GPD1: variants seen among roughly 807,000 people sequenced by gnomAD.
The protein encoded by GPD1 is glycerol-3-phosphate dehydrogenase [NAD(+)], cytoplasmic.
Under a neutral mutation model 34.4 loss-of-function variants are expected in GPD1, and 19 were observed. The observed-to-expected ratio is 0.55, with a 90% CI of 0.39 to 0.81. GPD1 has a LOEUF of 0.81. Ranked by LOEUF, GPD1 falls within the 30% of genes least tolerant of loss-of-function variation. GPD1 has a pLI of 0.00. For synonymous variants in GPD1, 172 were observed against 174.1 expected (o/e 0.99, Z 0.09); for missense variants, 429 against 447.0 (o/e 0.96, Z 0.36).
At chr12:50,107,943 C>A in intron 6 of GPD1, 81 bp from the exon 7 acceptor site, 2 of 1,031,320 alleles carry the variant, frequency 1.9e-6, no homozygotes, top group East Asian at 2.5e-5. Flanking sequence ...GACCCCACTC[C>A]CATCTGAGCT....
chr12:50,107,790 G>C lies in GPD1; in HGVS notation c.836G>C (p.Arg279Pro). 1 of 1,610,268 alleles carries C rather than the reference G, an allele frequency of 6.2e-7. No homozygotes were observed. The highest frequency in any genetic ancestry group is 8.5e-7 in the Non-Finnish European group (1 of 1,176,436). The change falls in exon 6 of 8, where the codon CGT becomes CCT. Residue 279 changes from arginine (R) to proline (P), a missense_variant. By Grantham distance (103) the Arg-to-Pro change is moderately radical. Coordinates refer to ENST00000301149, the MANE Select transcript of GPD1 (RefSeq NM_005276.4). ...RNRKVAEAFARTGKSIEQLEK... is the reference protein window; with the variant it reads ...RNRKVAEAFAPTGKSIEQLEK... ...CGGAAAGTGGCTGAGGCCTTTGCGC[G>C]TACAGGAAAGGTGGGCCCCGGGAGA...
At position 50,109,652 on chromosome 12, in the gene GPD1, A is replaced by G; in HGVS notation, c.*133A>G. 1 of 618,706 alleles carries G rather than the reference A, an allele frequency of 1.6e-6. No individual in the cohort carries two copies. The highest frequency in any genetic ancestry group is 2.9e-6 in the Non-Finnish European group (1 of 341,554). 38.3% of individuals were successfully genotyped at this position (618,706 alleles called of 1,614,324 possible). A position where few individuals can be genotyped will look rare whatever the true frequency, so the allele number is the denominator to read the frequency against. On this transcript the variant is annotated 3_prime_UTR_variant, in exon 8 of 8. Transcript: ENST00000301149. ...TCTCATCTTTTCACTGGAGGACAGGAGGCTATGGGGCCCAGCTACGCACCT... is the reference window on the plus strand; with the variant it reads ...TCTCATCTTTTCACTGGAGGACAGGGGGCTATGGGGCCCAGCTACGCACCT...
chr12:50,106,770 C>T, intron 4 of GPD1, 35 bp from the exon 5 acceptor site: 1 of 1,161,808 alleles, frequency 8.6e-7, no homozygotes, highest in Non-Finnish European at 1.2e-6. Context: ...TAAAAAGAGT[C>T]CTTCCCTCAA....
Position 50,104,033 on chromosome 12 carries a change from A to G in GPD1, c.-18A>G, listed in dbSNP as rs1565746108. 1.2e-6 allele frequency: 2 copies of G among 1,613,788 alleles called. No homozygotes were observed. The highest frequency in any genetic ancestry group is 2.2e-5 in the South Asian group (2 of 91,072). ...AGGGAGTGTGGCACTGAGCCGGCTC[A>G]GGCAGAGACGCGGCACCATGGCTAG... On this transcript the variant is annotated 5_prime_UTR_variant, in exon 1 of 8. Coordinates refer to ENST00000301149, the MANE Select transcript of GPD1 (RefSeq NM_005276.4).
In GPD1 at chr12:50,107,603, C is replaced by T; in HGVS notation, c.649C>T (p.Leu217=). 1.2e-6 allele frequency: 2 copies of T among 1,614,070 alleles called. No individual in the cohort carries two copies. Among genetic ancestry groups the T allele is most frequent in the African/African-American group, 1.3e-5 (1 of 75,008 alleles). The change falls in exon 6 of 8, where the codon CTG becomes TTG. Residue 217 remains leucine, a synonymous_variant. Transcript: ENST00000301149. ...VAVGAGFCDG[L]GFGDNTKAAV... is the part of the protein sequence containing the mutation. Reference sequence around the variant, plus strand: ...CGTGGGGGCTGGCTTCTGTGATGGCCTGGGCTTTGGCGACAACACCAAGGC... The same window carrying T: ...CGTGGGGGCTGGCTTCTGTGATGGCTTGGGCTTTGGCGACAACACCAAGGC...
At chr12:50,108,874 C>A (rs574331598) in intron 7 of GPD1, among the ~76,000 whole-genome samples, 1 of 152,266 alleles carries the variant, frequency 6.6e-6, no homozygotes, top group Admixed American at 6.5e-5. Flanking sequence ...TGGTGTCTCA[C>A]ACCTGTAATC....
rs1467160006 is a variant in GPD1, at chr12:50,107,730, C to G, written c.776C>G (p.Ala259Gly). Residue 259 changes from alanine (A) to glycine (G), a missense_variant, in exon 6 of 8, where the codon GCT (alanine) becomes GGT (glycine). Coordinates refer to ENST00000301149, the MANE Select transcript of GPD1 (RefSeq NM_005276.4). ...SATFLESCGV[A>G]DLITTCYGGR... is the part of the protein sequence containing the mutation. Reference sequence around the variant, plus strand: ...ACCTTCTTGGAGAGCTGTGGTGTTGCTGACCTGATCACTACCTGCTATGGA... The same window carrying G: ...ACCTTCTTGGAGAGCTGTGGTGTTGGTGACCTGATCACTACCTGCTATGGA... 14 of 1,613,964 alleles carry G rather than the reference C, an allele frequency of 8.7e-6. No homozygotes were observed. The highest frequency in any genetic ancestry group is 1.2e-5 in the Non-Finnish European group (14 of 1,179,984).
At position 50,109,546 on chromosome 12, in the gene GPD1, CT is replaced by C; in HGVS notation, c.*33del. The C allele has an allele frequency of 1.8e-6, 2 of 1,128,800 alleles. No homozygotes were observed. Among genetic ancestry groups the C allele is most frequent in the Non-Finnish European group, 2.7e-6 (2 of 735,978 alleles). The allele number at this position is 1,128,800 out of a possible 1,614,324, so 69.9% of individuals were successfully genotyped here. The stretch of plus-strand genomic sequence containing the variant: ...TGGGGCCAGGGCCCAGGCCAGGCCG[CT>C]TTTTTACCCCAGTGGAGACCAGCAG... On this transcript the variant is annotated 3_prime_UTR_variant, in exon 8 of 8. Coordinates refer to ENST00000301149, the MANE Select transcript of GPD1 (RefSeq NM_005276.4).
intron 7 of GPD1, among the ~76,000 whole-genome samples, chr12:50,108,891 C>CT (rs1228817296): frequency 6.6e-6 from 1 of 152,140 alleles, no homozygotes; most frequent in Admixed American, 6.5e-5. Flanking sequence ...AATCCCAGCA[C>CT]TTTGGGAGGC....
At position 50,104,691 on chromosome 12, in the gene GPD1, C is replaced by A. The variant is rs151113100; in HGVS notation, c.159C>A (p.Ile53=). 1,442 of 1,614,102 alleles carry A rather than the reference C, an allele frequency of 8.9e-4. 12 individuals are homozygous for A. The highest frequency in any genetic ancestry group is 3.5e-3 in the Middle Eastern group (21 of 6,062). Residue 53 remains isoleucine (I), a synonymous_variant, in exon 2 of 8, where the codon ATC becomes ATA. Coordinates refer to ENST00000301149, the MANE Select transcript of GPD1 (RefSeq NM_005276.4). ...TTGGAGGCAAAAAGCTGACTGAGAT[C>A]ATCAACACGCAGCATGAGAATGTCA... ...EDIGGKKLTE[I]INTQHENVKY...
intron 2 of GPD1, 199 bp from the exon 3 acceptor site, chr12:50,105,349 G>A: frequency 1.7e-6 from 1 of 603,258 alleles, no homozygotes; most frequent in African/African-American, 1.9e-5. Context: ...CAGGACAGCT[G>A]GAGGGAGACA....
rs755697086 is a variant in GPD1 at position 50,109,537 on chromosome 12, G to T, written c.*18G>T. On this transcript the variant is annotated 3_prime_UTR_variant, in exon 8 of 8. Transcript: ENST00000301149. ...ATATGTGAGTGGGGCCAGGGCCCAG[G>T]CCAGGCCGCTTTTTTACCCCAGTGG... 1 of 1,307,294 alleles carries T rather than the reference G, an allele frequency of 7.6e-7. No homozygotes were observed. 81.0% of individuals were successfully genotyped at this position (1,307,294 alleles called of 1,614,324 possible). A position where few individuals can be genotyped will look rare whatever the true frequency, so the allele number is the denominator to read the frequency against.
intron 2 of GPD1, 96 bp downstream of exon 2, chr12:50,104,847 G>A (rs554758299): frequency 3.0e-5 from 30 of 990,796 alleles, no homozygotes; most frequent in East Asian, 2.7e-4. Context: ...TGAGAGGGCC[G>A]CTTCAGGTGC....
chr12:50,104,558 C>T lies in GPD1; in HGVS notation c.42-16C>T. The T allele has an allele frequency of 6.2e-7, 1 of 1,606,864 alleles. No homozygotes were observed. Among genetic ancestry groups the T allele is most frequent in the Non-Finnish European group, 8.5e-7 (1 of 1,173,590 alleles). On this transcript the variant is annotated splice_polypyrimidine_tract_variant and intron_variant, in intron 1 of 7. Coordinates refer to ENST00000301149, the MANE Select transcript of GPD1 (RefSeq NM_005276.4). ...TTCCCTCCTCCTGTACTTTCCTGTG[C>T]TCCCCCTCCCACCAGGGGCTCAGCC...
At chr12:50,107,347 T>C (rs1950986953) in intron 5 of GPD1, 2 of 690,234 alleles carry the variant, frequency 2.9e-6, no homozygotes, top group Admixed American at 2.0e-5. Context: ...AGAAGAGTGG[T>C]TTTCAGAAAA....
At chr12:50,107,441 A>G in intron 5 of GPD1, 126 bp from the exon 6 acceptor site, 1 of 827,148 alleles carries the variant, frequency 1.2e-6, no homozygotes, top group African/African-American at 1.7e-5. Flanking sequence ...GTAGGCTTCT[A>G]AAAGGCCACA....
intron 3 of GPD1, chr12:50,105,938 T>C (rs1950975259): frequency 1.5e-6 from 1 of 682,000 alleles, no homozygotes; most frequent in Non-Finnish European, 2.7e-6. Context: ...TATAAAGGAA[T>C]GCCTGGGAGA....
intron 3 of GPD1, 196 bp downstream of exon 3, chr12:50,105,884 G>A: frequency 1.4e-6 from 1 of 710,548 alleles, no homozygotes; most frequent in Non-Finnish European, 2.5e-6. Flanking sequence ...GCTGAAGGGA[G>A]GAGACGAGAT....
chr12:50,109,562 G>T lies in GPD1; in HGVS notation c.*43G>T. 1 of 926,924 alleles carries T rather than the reference G, an allele frequency of 1.1e-6. No homozygotes were observed. The highest frequency in any genetic ancestry group is 1.3e-5 in the South Asian group (1 of 77,424). The allele number at this position is 926,924 out of a possible 1,614,324, so 57.4% of individuals were successfully genotyped here. Reference sequence around the variant, plus strand: ...GCCAGGCCGCTTTTTTACCCCAGTGGAGACCAGCAGAAGCCTGGGGTACCT... The same window carrying T: ...GCCAGGCCGCTTTTTTACCCCAGTGTAGACCAGCAGAAGCCTGGGGTACCT... On this transcript the variant is annotated 3_prime_UTR_variant, in exon 8 of 8. Transcript: ENST00000301149.
Sources: allele counts gnomAD v4.1 joint callset (sites outside exome capture counted in the v4.1 genomes callset), GRCh38; gene constraint gnomAD v4.1.1; transcripts MANE v1.5; gene names NCBI Gene and HGNC (gene_info 2026-07-23, HGNC 2026-07-21).